Variants in LY6H observed in about 807,000 individuals in gnomAD.
LY6H encodes lymphocyte antigen 6H.
A neutral mutation model predicts 14.6 loss-of-function variants in LY6H; 8 were observed. The ratio of observed to expected loss-of-function variants is 0.55; its 90% CI spans 0.32 to 0.99. The LOEUF is 0.99. Among genes scored for constraint, LY6H ranks in the 50% least tolerant of loss-of-function variants. The pLI, the probability that LY6H is intolerant of heterozygous loss-of-function variation, is 0.04. For missense variants in LY6H, 196 were observed against 219.6 expected, an observed-to-expected ratio of 0.89 and a Z score of 0.68; for synonymous variants, 115 against 97.2, an observed-to-expected ratio of 1.18 and a Z score of -1.08.
chr8:143,160,303 G>C lies in LY6H; in HGVS notation c.-104C>G, dbSNP rs1165357201. The C allele has an allele frequency of 3.0e-6, 3 of 1,000,304 alleles. No homozygotes were observed. The highest frequency in any genetic ancestry group is 2.6e-6 in the Non-Finnish European group (2 of 777,440). The allele number at this position is 1,000,304 out of a possible 1,614,324, so 62.0% of individuals were successfully genotyped here. On this transcript the variant is annotated 5_prime_UTR_variant, in exon 1 of 4. Transcript: ENST00000342752. ...GAATCCGGGCGCAGCCTCGTCTTTCGGGGAACGCAGCCGCAGACGCGGACC... is the reference window on the plus strand; with the variant it reads ...GAATCCGGGCGCAGCCTCGTCTTTCCGGGAACGCAGCCGCAGACGCGGACC...
chr8:143,158,659 A>AG, intron 3 of LY6H, 144 bp downstream of exon 3: 19 of 1,243,526 alleles, frequency 1.5e-5, no homozygotes, highest in East Asian at 2.3e-5. Context: ...CCAAGGAGCC[A>AG]GGGGGGGACA....
At chr8:143,159,865 A>G (rs1254101431) in intron 1 of LY6H, 156 bp from the exon 2 acceptor site, 1 of 1,140,468 alleles carries the variant, frequency 8.8e-7, no homozygotes, top group Non-Finnish European at 1.1e-6. Flanking sequence ...CCGTCACAGC[A>G]TCCCCGCCGG....
At chr8:143,158,737 C>T in intron 3 of LY6H, 66 bp downstream of exon 3, 1 of 1,532,006 alleles carries the variant, frequency 6.5e-7, no homozygotes, top group South Asian at 1.3e-5. Flanking sequence ...GCTCCGAGGA[C>T]ACCTCTGACC....
At chr8:143,160,024 G>T (rs1815560086) in intron 1 of LY6H, 174 bp downstream of exon 1, 1 of 1,194,562 alleles carries the variant, frequency 8.4e-7, no homozygotes, top group South Asian at 4.2e-5. Flanking sequence ...GGGCGGGAGC[G>T]GGTGGGACCT....
chr8:143,158,919 T>A lies in LY6H; in HGVS notation c.134A>T (p.His45Leu). The change falls in exon 3 of 4, where the codon CAT becomes CTT. Residue 45 changes from histidine (H) to leucine (L), a missense_variant. Transcript: ENST00000342752. ...LAVLLCSAPAHGLWCQDCTLT... is the reference protein window; with the variant it reads ...LAVLLCSAPALGLWCQDCTLT... ...GGTGCAGTCCTGGCACCACAGGCCA[T>A]GAGCTGGGCAGGGCATGGGGAGGAG... The A allele has an allele frequency of 6.2e-7, 1 of 1,613,742 alleles. No individual in the cohort carries two copies. Among genetic ancestry groups the A allele is most frequent in the Non-Finnish European group, 8.5e-7 (1 of 1,179,952 alleles).
At position 143,158,316 on chromosome 8, in the gene LY6H, G is replaced by T; in HGVS notation, c.420C>A (p.Ser140Arg). 1 of 1,613,464 alleles carries T rather than the reference G, an allele frequency of 6.2e-7. No homozygotes were observed. The highest frequency in any genetic ancestry group is 8.5e-7 in the Non-Finnish European group (1 of 1,179,792). ...LCNGAAGAGH[S>R]PWALAGGLLL... Reference sequence around the variant, plus strand: ...GGAGCCCCCCGGCCAGGGCCCAGGGGCTGTGCCCTGCCCCTGCCGCCCCAT... The same window carrying T: ...GGAGCCCCCCGGCCAGGGCCCAGGGTCTGTGCCCTGCCCCTGCCGCCCCAT... The change falls in exon 4 of 4, where the codon AGC (serine) becomes AGA (arginine). Residue 140 changes from serine to arginine, a missense_variant. By Grantham distance (110) the Ser-to-Arg change is moderately radical. Coordinates refer to ENST00000342752, the MANE Select transcript of LY6H (RefSeq NM_001135655.2).
At chr8:143,159,037 A>T (rs749097470) in intron 2 of LY6H, 115 bp from the exon 3 acceptor site, 1 of 1,415,686 alleles carries the variant, frequency 7.1e-7, no homozygotes, top group Non-Finnish European at 9.6e-7. Context: ...GCCCGACCCC[A>T]CGGGAGGGAG....
rs1815494344 is a variant in LY6H at position 143,158,192 on chromosome 8, G to C, written c.*58C>G. ...AGCCCCAGCCACGCCAGGCTGGGGA[G>C]AGGGCAGCCACAGGCTCAGGGGAGC... is the stretch of plus-strand genomic sequence containing the variant. On this transcript the variant is annotated 3_prime_UTR_variant, in exon 4 of 4. Transcript: ENST00000342752. 7 of 1,298,668 alleles carry C rather than the reference G, an allele frequency of 5.4e-6. No individual in the cohort carries two copies. The highest frequency in any genetic ancestry group is 2.4e-5 in the East Asian group (1 of 41,180). 80.4% of individuals were successfully genotyped at this position (1,298,668 alleles called of 1,614,324 possible). A position where few individuals can be genotyped will look rare whatever the true frequency, so the allele number is the denominator to read the frequency against.
In LY6H at chr8:143,158,171, C is replaced by A; in HGVS notation, c.*79G>T. The stretch of plus-strand genomic sequence containing the variant: ...AGCTGGGCCAAGGCTGCCCCCAGCC[C>A]CAGCCACGCCAGGCTGGGGAGAGGG... On this transcript the variant is annotated 3_prime_UTR_variant, in exon 4 of 4. Coordinates refer to ENST00000342752, the MANE Select transcript of LY6H (RefSeq NM_001135655.2). The A allele has an allele frequency of 2.8e-6, 3 of 1,064,912 alleles. No homozygotes were observed. The highest frequency in any genetic ancestry group is 4.1e-6 in the Non-Finnish European group (3 of 740,092). 66.0% of individuals were successfully genotyped at this position (1,064,912 alleles called of 1,614,324 possible).
intron 3 of LY6H, 39 bp downstream of exon 3, chr8:143,158,764 C>T: frequency 6.4e-7 from 1 of 1,556,028 alleles, no homozygotes; most frequent in South Asian, 1.2e-5. Flanking sequence ...AAGAGCCTGG[C>T]TTTTAGCACA....
chr8:143,159,028 C>A, intron 2 of LY6H, 106 bp from the exon 3 acceptor site: 1 of 1,473,494 alleles, frequency 6.8e-7, no homozygotes, highest in South Asian at 1.2e-5. Flanking sequence ...CCTGGGAGAG[C>A]CCGACCCCAC....
chr8:143,160,158 G>A, intron 1 of LY6H, 40 bp downstream of exon 1: 1 of 1,272,232 alleles, frequency 7.9e-7, no homozygotes, highest in Non-Finnish European at 9.9e-7. Context: ...CCGCGGATGG[G>A]GCGTGGAGCG....
intron 1 of LY6H, 43 bp downstream of exon 1, chr8:143,160,155 T>C: frequency 8.7e-6 from 11 of 1,266,548 alleles, no homozygotes; most frequent in African/African-American, 1.5e-5. Context: ...TCACCGCGGA[T>C]GGGGCGTGGA....
At position 143,158,095 on chromosome 8, in the gene LY6H, A is replaced by G; in HGVS notation, c.*155T>C. Reference sequence around the variant, plus strand: ...TGGGACTCAGAGCTGGCGGAGAGACAGGGAGGCTTCACGTCGGGGGAGGAG... The same window carrying G: ...TGGGACTCAGAGCTGGCGGAGAGACGGGGAGGCTTCACGTCGGGGGAGGAG... On this transcript the variant is annotated 3_prime_UTR_variant, in exon 4 of 4. Transcript: ENST00000342752. The G allele has an allele frequency of 1.7e-6, 1 of 599,624 alleles. No individual in the cohort carries two copies. Among genetic ancestry groups the G allele is most frequent in the Non-Finnish European group, 3.0e-6 (1 of 338,540 alleles). 37.1% of individuals were successfully genotyped at this position (599,624 alleles called of 1,614,324 possible). A position where few individuals can be genotyped will look rare whatever the true frequency, so the allele number is the denominator to read the frequency against.
chr8:143,159,444 C>CAGGGGTCCCGGAGGGGGCGT, intron 2 of LY6H, 138 bp downstream of exon 2: 1 of 1,031,320 alleles, frequency 9.7e-7, no homozygotes. Flanking sequence ...GCTGGGGTCG[C>CAGGGGTCCCGGAGGGGGCGT]AGGGGTCCCG....
chr8:143,160,261 G>C lies in LY6H; in HGVS notation c.-62C>G, dbSNP rs1484099769. ...CGCGGCGCGGGGAGCTGTGCCCTTC[G>C]GTCTCCCTGCGGACCGGAATCCGGG... On this transcript the variant is annotated 5_prime_UTR_variant, in exon 1 of 4. Coordinates refer to ENST00000342752, the MANE Select transcript of LY6H (RefSeq NM_001135655.2). 1 of 1,256,394 alleles carries C rather than the reference G, an allele frequency of 8.0e-7. No individual in the cohort carries two copies. The highest frequency in any genetic ancestry group is 2.9e-5 in the East Asian group (1 of 34,040). The allele number at this position is 1,256,394 out of a possible 1,614,324, so 77.8% of individuals were successfully genotyped here. A position where few individuals can be genotyped will look rare whatever the true frequency, so the allele number is the denominator to read the frequency against.
At chr8:143,159,269 C>G (rs1007768594) in intron 2 of LY6H, 5 of 550,592 alleles carry the variant, frequency 9.1e-6, no homozygotes, top group Non-Finnish European at 1.6e-5. Flanking sequence ...CCGTGGGTTC[C>G]AAGCTGTGAA....
chr8:143,158,810 G>A lies in LY6H; in HGVS notation c.243C>T (p.Pro81=). The A allele has an allele frequency of 1.9e-6, 3 of 1,589,570 alleles. No homozygotes were observed. The highest frequency in any genetic ancestry group is 1.7e-6 in the Non-Finnish European group (2 of 1,163,414). The change falls in exon 3 of 4, where the codon CCC becomes CCT. Residue 81 remains proline, a synonymous_variant. Transcript: ENST00000342752. The stretch of plus-strand genomic sequence containing the variant: ...CCCTAAGTCCCAACTTACTGCTGCT[G>A]GGATCGGTGATTCGGACACTGGCAC... ...TVCASVRITD[P]SSSRKDHSVN...
In LY6H at chr8:143,158,265, G is replaced by C. The variant is rs765387631; in HGVS notation, c.471C>G (p.Leu157=). The C allele has an allele frequency of 9.3e-6, 15 of 1,610,984 alleles. No individual in the cohort carries two copies. Among genetic ancestry groups the C allele is most frequent in the Middle Eastern group, 1.6e-4 (1 of 6,076 alleles). The part of the protein sequence containing the change: ...GLLLSLGPAL[L]WAGP ...GGAGGAGACATCAGGGCCCAGCCCAGAGGAGGGCAGGCCCCAGGCTGAGCA... is the reference window on the plus strand; with the variant it reads ...GGAGGAGACATCAGGGCCCAGCCCACAGGAGGGCAGGCCCCAGGCTGAGCA... Residue 157 remains leucine (L), a synonymous_variant, in exon 4 of 4, where the codon CTC becomes CTG. Coordinates refer to ENST00000342752, the MANE Select transcript of LY6H (RefSeq NM_001135655.2).
Sources: gnomAD v4.1 joint callset for allele counts on GRCh38, gnomAD v4.1.1 for gene constraint, MANE v1.5 for transcripts, NCBI Gene and HGNC (gene_info 2026-07-23, HGNC 2026-07-21) for gene names.